Variants in CNTN6 observed in about 807,000 individuals in gnomAD.
CNTN6 encodes contactin 6.
CNTN6 carries 137 observed loss-of-function variants against 122.8 expected under a neutral mutation model. The observed-to-expected ratio is 1.12, with a 90% CI of 0.97 to 1.29. CNTN6 has a LOEUF of 1.29. Among genes scored for constraint, CNTN6 ranks in the 50% most tolerant of loss-of-function variants. CNTN6 has a pLI of 0.00. For missense variants in CNTN6, 1,634 were observed against 1,223.4 expected, an observed-to-expected ratio of 1.34 and a Z score of -5.01; for synonymous variants, 570 against 426.0, an observed-to-expected ratio of 1.34 and a Z score of -4.16.
chr3:1,306,573 T>C (rs770944326), intron 7 of CNTN6, among the ~76,000 whole-genome samples: 2 of 152,102 alleles, frequency 1.3e-5, no homozygotes, highest in Non-Finnish European at 2.9e-5. Context: ...AGGATTGGAG[T>C]CTTAACTTCA....
rs371266935 is a variant in CNTN6 at position 1,220,705 on chromosome 3, G to A, written c.74G>A (p.Arg25His). 80 of 1,610,236 alleles carry A rather than the reference G, an allele frequency of 5.0e-5. No homozygotes were observed. Among genetic ancestry groups the A allele is most frequent in the South Asian group, 1.1e-4 (10 of 90,422 alleles). ...TTCCCAGGTGATGGTCTTTTAAGCC[G>A]TCCTATTTTTACTCAGGAGCCACAT... ...NSSAGDGLLS[R>H]PIFTQEPHDV... Residue 25 changes from arginine (R) to histidine (H), a missense_variant, in exon 3 of 23, where the codon CGT (arginine) becomes CAT (histidine). Coordinates refer to ENST00000446702, the MANE Select transcript of CNTN6 (RefSeq NM_001289080.2).
chr3:1,259,738 C>A (rs17211134), intron 4 of CNTN6, among the ~76,000 whole-genome samples: 8,676 of 152,180 alleles, frequency 0.057, 322 homozygotes, highest in Middle Eastern at 0.11. Flanking sequence ...TAGAAAAACA[C>A]TAGCTCTATA....
intron 1 of CNTN6, among the ~76,000 whole-genome samples, chr3:1,146,201 A>G (rs1182826443): frequency 6.6e-6 from 1 of 152,152 alleles, no homozygotes; most frequent in Non-Finnish European, 1.5e-5. Context: ...ATGATCTGAA[A>G]GTACAGCATT....
At chr3:1,350,079 T>A (rs1705386060) in intron 11 of CNTN6, among the ~76,000 whole-genome samples, 1 of 151,910 alleles carries the variant, frequency 6.6e-6, no homozygotes, top group Non-Finnish European at 1.5e-5. Context: ...ATAAGTAAGA[T>A]GTAGTCTTAC....
intron 20 of CNTN6, among the ~76,000 whole-genome samples, chr3:1,387,747 T>C (rs1294982498): frequency 6.6e-6 from 1 of 151,672 alleles, no homozygotes; most frequent in Non-Finnish European, 1.5e-5. Context: ...TTGCCTCACT[T>C]GGGAAGCGCA....
At chr3:1,156,709 CTTCT>C (rs2092975976) in intron 2 of CNTN6, among the ~76,000 whole-genome samples, 1 of 110,054 alleles carries the variant, frequency 9.1e-6, no homozygotes, top group Admixed American at 9.0e-5. Context: ...TCCTTCCTTC[CTTCT>C]TCTTTCTTTT....
At chr3:1,365,175 G>C (rs965809475) in intron 12 of CNTN6, among the ~76,000 whole-genome samples, 3 of 151,874 alleles carry the variant, frequency 2.0e-5, no homozygotes, top group African/African-American at 7.3e-5. Flanking sequence ...GTCAATAGAA[G>C]GCAACTCTTA....
chr3:1,341,525 C>T (rs1387917670), intron 11 of CNTN6, among the ~76,000 whole-genome samples: 2 of 152,172 alleles, frequency 1.3e-5, no homozygotes, highest in South Asian at 4.1e-4. Context: ...TAGCAGCACA[C>T]TCTGGCATGC....
Position 1,227,907 on chromosome 3 carries a change from C to G in CNTN6, c.272C>G (p.Thr91Arg). ...AGTCTTGCAATCAATAGCCCCCACA[C>G]AGATCAAGATATTGGCATGTACCAG... ...GGSLAINSPH[T>R]DQDIGMYQCL... Residue 91 changes from threonine to arginine, a missense_variant, in exon 4 of 23, where the codon ACA becomes AGA. Physicochemically the swap from Thr to Arg is moderately conservative, Grantham distance 71. Transcript: ENST00000446702. 1 of 1,614,006 alleles carries G rather than the reference C, an allele frequency of 6.2e-7. No individual in the cohort carries two copies. The highest frequency in any genetic ancestry group is 1.1e-5 in the South Asian group (1 of 91,080).
intron 2 of CNTN6, among the ~76,000 whole-genome samples, chr3:1,214,372 A>C (rs540971889): frequency 2.4e-5 from 3 of 124,274 alleles, no homozygotes; most frequent in Non-Finnish European, 4.7e-5. Context: ...GCAATGGCGT[A>C]ATCTCAGCTC....
rs77784169 is a variant in CNTN6 at position 1,264,277 on chromosome 3, C to T, written c.359-14136C>T. On this transcript the variant is annotated intron_variant, in intron 4 of 22. Transcript: ENST00000446702. ...GTGGAAAGGCGCTGATACAAACAAACGGTGGCAGCCAAGTAGGGTTATTTT... is the reference window on the plus strand; with the variant it reads ...GTGGAAAGGCGCTGATACAAACAAATGGTGGCAGCCAAGTAGGGTTATTTT... Among the ~76,000 whole-genome samples, 614 of 152,150 alleles carry T rather than the reference C, an allele frequency of 4.0e-3. 14 individuals are homozygous for T. The highest frequency in any genetic ancestry group is 0.035 in the Admixed American group (533 of 15,258).
Position 1,104,237 on chromosome 3 carries a change from A to G in CNTN6, c.-83+11117A>G, listed in dbSNP as rs183919281. On this transcript the variant is annotated intron_variant, in intron 1 of 22. Transcript: ENST00000446702. ...AATGAGCATTAGAAGCCATTAAATT[A>G]TTTAATTCCAAGATGATTATTTTAG... 2.6e-5 allele frequency among the ~76,000 whole-genome samples: 4 copies of G among 152,220 alleles called. No individual in the cohort carries two copies. In the East Asian group the frequency reaches 7.7e-4, roughly 29 times the overall value.
intron 4 of CNTN6, among the ~76,000 whole-genome samples, chr3:1,245,258 C>T (rs371153411): frequency 4.3e-3 from 17 of 3,910 alleles, no homozygotes; most frequent in East Asian, 0.028. Context: ...ATATATATAA[C>T]ATATATATAT....
intron 2 of CNTN6, among the ~76,000 whole-genome samples, chr3:1,154,735 G>A (rs568951493): frequency 7.9e-5 from 12 of 152,084 alleles, no homozygotes; most frequent in South Asian, 2.1e-4. Flanking sequence ...GAGCCACCGC[G>A]CCCGGCCCAG....
intron 19 of CNTN6, 101 bp from the exon 20 acceptor site, chr3:1,385,510 C>T: frequency 1.2e-6 from 1 of 852,714 alleles, no homozygotes; most frequent in Non-Finnish European, 1.8e-6. Flanking sequence ...CTTCTGTCTT[C>T]TTCCCATATT....
intron 2 of CNTN6, among the ~76,000 whole-genome samples, chr3:1,215,556 A>C (rs1214454820): frequency 6.6e-6 from 1 of 152,004 alleles, no homozygotes; most frequent in Non-Finnish European, 1.5e-5. Context: ...TCATATTGAC[A>C]TTGTTATATT....
At chr3:1,325,220 C>T (rs938350098) in intron 8 of CNTN6, among the ~76,000 whole-genome samples, 1 of 151,804 alleles carries the variant, frequency 6.6e-6, no homozygotes, top group African/African-American at 2.4e-5. Flanking sequence ...AACTCACACC[C>T]AGAATTAAAG....
At chr3:1,245,688 A>G (rs1026658831) in intron 4 of CNTN6, among the ~76,000 whole-genome samples, 2 of 151,948 alleles carry the variant, frequency 1.3e-5, no homozygotes, top group Admixed American at 6.6e-5. Context: ...TATTGAAATA[A>G]AAAAAGGAAT....
chr3:1,277,889 C>T (rs17037072), intron 4 of CNTN6, among the ~76,000 whole-genome samples: 3 of 152,150 alleles, frequency 2.0e-5, no homozygotes, highest in Non-Finnish European at 4.4e-5. Flanking sequence ...CAAATAAGAT[C>T]ATGAGCCTGC....
Sources: gnomAD v4.1 joint callset for allele counts (sites outside exome capture counted in the v4.1 genomes callset) on GRCh38, gnomAD v4.1.1 for gene constraint, MANE v1.5 for transcripts, NCBI Gene and HGNC (gene_info 2026-07-23, HGNC 2026-07-21) for gene names.